ITGA8: variants seen among roughly 807,000 people sequenced by gnomAD.
ITGA8 encodes integrin subunit alpha 8.
A neutral mutation model predicts 142.3 loss-of-function variants in ITGA8; 91 were observed. The observed-to-expected ratio is 0.64, with a 90% CI of 0.54 to 0.76. The LOEUF is 0.76. ITGA8 is among the 30% of genes least tolerant of loss of function. The pLI, the probability that ITGA8 is intolerant of heterozygous loss-of-function variation, is 0.00. For missense variants in ITGA8, 1,406 were observed against 1,327.7 expected, an observed-to-expected ratio of 1.06 and a Z score of -0.92; for synonymous variants, 505 against 485.2, an observed-to-expected ratio of 1.04 and a Z score of -0.54.
chr10:15,521,366 C>G (rs1004759392), intron 28 of ITGA8, among the ~76,000 whole-genome samples: 2 of 152,088 alleles, frequency 1.3e-5, no homozygotes, highest in African/African-American at 4.8e-5. Flanking sequence ...TGATGGTGCC[C>G]TTCTCAGCTT....
intron 2 of ITGA8, among the ~76,000 whole-genome samples, chr10:15,700,068 G>T (rs1215572232): frequency 6.6e-6 from 1 of 152,036 alleles, no homozygotes; most frequent in East Asian, 1.9e-4. Flanking sequence ...ACATAAATGT[G>T]GCAAGTATCA....
chr10:15,668,963 A>G (rs549998890), intron 8 of ITGA8, among the ~76,000 whole-genome samples: 169 of 152,186 alleles, frequency 1.1e-3, no homozygotes, highest in Admixed American at 3.9e-3. Context: ...TTTTTCCTTC[A>G]TTTCAACTTT....
chr10:15,669,667 A>G (rs1834470956), intron 8 of ITGA8, among the ~76,000 whole-genome samples: 1 of 151,930 alleles, frequency 6.6e-6, no homozygotes, highest in Non-Finnish European at 1.5e-5. Context: ...GTCTTTGATG[A>G]TGGTGACGTA....
chr10:15,568,135 G>A (rs963643651), intron 25 of ITGA8, among the ~76,000 whole-genome samples: 2 of 152,112 alleles, frequency 1.3e-5, no homozygotes. Context: ...TGTTGTCCAG[G>A]CTGCTCTCAA....
intron 21 of ITGA8, among the ~76,000 whole-genome samples, chr10:15,594,314 G>A (rs1209548530): frequency 6.6e-6 from 1 of 152,064 alleles, no homozygotes; most frequent in East Asian, 1.9e-4. Flanking sequence ...TATGGGCTGG[G>A]CCAGGCAGAA....
At chr10:15,573,966 T>C (rs975268510) in intron 24 of ITGA8, among the ~76,000 whole-genome samples, 1 of 152,214 alleles carries the variant, frequency 6.6e-6, no homozygotes, top group Admixed American at 6.5e-5. Context: ...TTGGTTTCTT[T>C]TTAGAAAATT....
chr10:15,537,018 T>C (rs1362124923), intron 27 of ITGA8, among the ~76,000 whole-genome samples: 1 of 152,174 alleles, frequency 6.6e-6, no homozygotes, highest in Non-Finnish European at 1.5e-5. Flanking sequence ...ACCTAAGGAA[T>C]TAGTGGCAAA....
intron 27 of ITGA8, among the ~76,000 whole-genome samples, chr10:15,537,998 G>T (rs550163760): frequency 1.3e-5 from 2 of 152,112 alleles, no homozygotes; most frequent in Admixed American, 1.3e-4. Flanking sequence ...AATTAGCCAG[G>T]TCTGGTGGCA....
chr10:15,605,155 T>G (rs2131608492), intron 19 of ITGA8, among the ~76,000 whole-genome samples: 1 of 152,286 alleles, frequency 6.6e-6, no homozygotes, highest in Middle Eastern at 3.4e-3. Context: ...AGTCCATGTC[T>G]TCCCATAACA....
intron 13 of ITGA8, among the ~76,000 whole-genome samples, chr10:15,617,868 T>A (rs1833423107): frequency 6.6e-6 from 1 of 152,190 alleles, no homozygotes; most frequent in African/African-American, 2.4e-5. Context: ...GAACATGTCG[T>A]ATATAAACAC....
At chr10:15,636,488 A>T (rs1404258407) in intron 13 of ITGA8, among the ~76,000 whole-genome samples, 1 of 152,210 alleles carries the variant, frequency 6.6e-6, no homozygotes, top group Non-Finnish European at 1.5e-5. Flanking sequence ...GTTGAGGTGG[A>T]TGTTAGGAAA....
At chr10:15,684,243 C>G in intron 3 of ITGA8, 116 bp from the exon 4 acceptor site, 1 of 1,080,114 alleles carries the variant, frequency 9.3e-7, no homozygotes, top group Non-Finnish European at 1.3e-6. Flanking sequence ...TAATTGGCCT[C>G]TAGCATGCTA....
At chr10:15,612,393 C>G (rs532946524) in intron 15 of ITGA8, among the ~76,000 whole-genome samples, 23 of 152,184 alleles carry the variant, frequency 1.5e-4, no homozygotes, top group Non-Finnish European at 3.1e-4. Flanking sequence ...CTGACATTCT[C>G]AGAAACCAAA....
rs147383371 is a variant in ITGA8 at position 15,575,580 on chromosome 10, G to C, written c.2387C>G (p.Pro796Arg). ...GTTATGAATGGGCAGAACAATCTGC[G>C]GAGGGTGTGACACTCTGAAACATGA... ...QVEIRGVSHP[P>R]QIVLPIHNWE... The change falls in exon 24 of 30, where the codon CCG (proline) becomes CGG (arginine). Residue 796 changes from proline to arginine, a missense_variant. Transcript: ENST00000378076. 1.2e-6 allele frequency: 2 copies of C among 1,613,446 alleles called. No homozygotes were observed. The highest frequency in any genetic ancestry group is 4.5e-5 in the East Asian group (2 of 44,864).
chr10:15,560,445 G>T (rs4750677), intron 25 of ITGA8, among the ~76,000 whole-genome samples: 146,497 of 152,314 alleles, frequency 0.96, 70,658 homozygotes, highest in Middle Eastern at 1. Context: ...TGTTCTTATA[G>T]TAAATTCCCT....
chr10:15,531,915 G>A (rs1379898613), intron 27 of ITGA8, among the ~76,000 whole-genome samples: 1 of 151,688 alleles, frequency 6.6e-6, no homozygotes, highest in Admixed American at 6.6e-5. Context: ...ACTGCGCTCC[G>A]ACCTGGGCAA....
At chr10:15,603,992 C>A (rs1833148599) in intron 20 of ITGA8, among the ~76,000 whole-genome samples, 1 of 152,122 alleles carries the variant, frequency 6.6e-6, no homozygotes, top group Non-Finnish European at 1.5e-5. Flanking sequence ...CAATCTTTGG[C>A]CAATCTATCT....
intron 4 of ITGA8, 71 bp from the exon 5 acceptor site, chr10:15,678,854 G>T: frequency 2.2e-6 from 2 of 916,954 alleles, no homozygotes; most frequent in East Asian, 2.6e-5. Flanking sequence ...ACCAATTCAG[G>T]ATATTATGTT....
At chr10:15,698,135 C>T (rs1184426458) in intron 2 of ITGA8, among the ~76,000 whole-genome samples, 1 of 152,160 alleles carries the variant, frequency 6.6e-6, no homozygotes, top group South Asian at 2.1e-4. Context: ...GCTTAGCTCC[C>T]ACTTATCAGT....
Sources: allele counts gnomAD v4.1 joint callset (sites outside exome capture counted in the v4.1 genomes callset), GRCh38; gene constraint gnomAD v4.1.1; transcripts MANE v1.5; gene names NCBI Gene and HGNC (gene_info 2026-07-23, HGNC 2026-07-21).